The following LRRC4B variants were observed in gnomAD, a reference collection of about 807,000 sequenced individuals.
LRRC4B encodes leucine-rich repeat-containing protein 4B.
A neutral mutation model predicts 7.3 loss-of-function variants in LRRC4B; 1 was observed. The ratio of observed to expected loss-of-function variants is 0.14; its 90% CI spans 0.05 to 0.65. The LOEUF (loss-of-function observed/expected upper bound fraction) is 0.65, where lower values mean the gene tolerates loss of function less well. Ranked by LOEUF, LRRC4B falls within the 30% of genes least tolerant of loss-of-function variation. LRRC4B has a pLI of 0.84. For synonymous variants in LRRC4B, 500 were observed against 499.2 expected, an observed-to-expected ratio of 1.00 and a Z score of -0.02; for missense variants, 730 against 1,041.6, an observed-to-expected ratio of 0.70 and a Z score of 4.12.
In LRRC4B at chr19:50,537,044, G is replaced by T. The variant is rs1981325258; in HGVS notation, c.297+11498C>A. ...GGAAGAAGCTGGGGCTTCCAGATGA[G>T]CAAGGACAAGGCCAGAGCCAGGCTG... On this transcript the variant is annotated intron_variant, in intron 2 of 2. Transcript: ENST00000652263. This position sits in a 1 kb window ranked among gnomAD's most constrained non-coding sequence, Gnocchi z 5.5. 6.6e-6 allele frequency among the ~76,000 whole-genome samples: 1 copy of T among 152,198 alleles called. No homozygotes were observed. Among genetic ancestry groups the T allele is most frequent in the African/African-American group, 2.4e-5 (1 of 41,446 alleles).
chr19:50,531,617 TC>T (rs777872633), intron 2 of LRRC4B, among the ~76,000 whole-genome samples: 20 of 152,220 alleles, frequency 1.3e-4, no homozygotes, highest in Non-Finnish European at 2.1e-4. Context: ...ATAGGGAGTC[TC>T]TTTATTTTGA....
Position 50,518,151 on chromosome 19 carries a change from A to G in LRRC4B, c.1562T>C (p.Val521Ala). ...GTCCCCAGGCCGGCCCCCACCCCAG[A>G]CACCGTCTGTCGTGGGCCCTGGCGG... Reference protein sequence around the residue: ...KEPPGPTTDGVWGGGRPGDAA... With the variant: ...KEPPGPTTDGAWGGGRPGDAA... The change falls in exon 3 of 3, where the codon GTC (valine) becomes GCC (alanine). Residue 521 changes from valine (V) to alanine (A), a missense_variant. By Grantham distance (64) the Val-to-Ala change is moderately conservative. Coordinates refer to ENST00000652263, the MANE Select transcript of LRRC4B (RefSeq NM_001080457.2). 1.2e-6 allele frequency: 2 copies of G among 1,605,086 alleles called. No homozygotes were observed. Among genetic ancestry groups the G allele is most frequent in the Non-Finnish European group, 1.7e-6 (2 of 1,177,924 alleles).
In LRRC4B at chr19:50,519,076, T is replaced by C; in HGVS notation, c.637A>G (p.Asn213Asp). 6.2e-7 allele frequency: 1 copy of C among 1,609,086 alleles called. No individual in the cohort carries two copies. Among genetic ancestry groups the C allele is most frequent in the Non-Finnish European group, 8.5e-7 (1 of 1,179,882 alleles). The stretch of plus-strand genomic sequence containing the variant: ...TCCTTGAGGTTGCACATGCCCAGGT[T>C]GAGGTAGCGCAGGTTGACCAGCCCC... Reference protein sequence around the residue: ...FEGLVNLRYLNLGMCNLKDIP... With the variant: ...FEGLVNLRYLDLGMCNLKDIP... The change falls in exon 3 of 3, where the codon AAC becomes GAC. Residue 213 changes from asparagine to aspartate, a missense_variant. This residue lies in a region of LRRC4B where 226 missense variants were observed against 448.0 expected (regional missense o/e 0.50). Transcript: ENST00000652263. This position sits in a 1 kb window ranked among gnomAD's most constrained non-coding sequence, Gnocchi z 8.1.
At chr19:50,521,524 T>G (rs561305380) in intron 2 of LRRC4B, among the ~76,000 whole-genome samples, 76 of 152,276 alleles carry the variant, frequency 5.0e-4, no homozygotes, top group African/African-American at 1.7e-3. Flanking sequence ...GCCTTCCAGG[T>G]TCTAGCGATT....
chr19:50,541,860 G>A lies in LRRC4B; in HGVS notation c.297+6682C>T, dbSNP rs1981564860. On this transcript the variant is annotated intron_variant, in intron 2 of 2. Coordinates refer to ENST00000652263, the MANE Select transcript of LRRC4B (RefSeq NM_001080457.2). ...TGCGGTGGGGCAGCTAGAAGCCTCC[G>A]GGACGTCCAGTCTCATCAGGAAGCA... Among the ~76,000 whole-genome samples the A allele has an allele frequency of 2.6e-5, 4 of 152,190 alleles. No individual in the cohort carries two copies. In the South Asian group the frequency reaches 6.3e-4, roughly 24 times the overall value.
chr19:50,560,227 C>T (rs1982421533), intron 1 of LRRC4B, among the ~76,000 whole-genome samples: 1 of 152,102 alleles, frequency 6.6e-6, no homozygotes, highest in Admixed American at 6.5e-5. Context: ...ATGCAGGTCT[C>T]ACAGCAAGGG....
intron 1 of LRRC4B, among the ~76,000 whole-genome samples, chr19:50,561,480 T>C (rs1982459736): frequency 6.6e-6 from 1 of 152,188 alleles, no homozygotes; most frequent in Admixed American, 6.5e-5. Context: ...ATGCCTGTAA[T>C]CCCAGCACTT....
chr19:50,520,226 A>G lies in LRRC4B; in HGVS notation c.298-811T>C, dbSNP rs1382054073. ...GTCAAAAAAAAAAAAAAAAAAAAAA[A>G]AAAAAAAAAAAAAAAAAAAAAGAAG... On this transcript the variant is annotated intron_variant, in intron 2 of 2. Coordinates refer to ENST00000652263, the MANE Select transcript of LRRC4B (RefSeq NM_001080457.2). Among the ~76,000 whole-genome samples, 122 of 69,190 alleles carry G rather than the reference A, an allele frequency of 1.8e-3. 1 individual carries two copies. Among genetic ancestry groups the G allele is most frequent in the East Asian group, 8.2e-3 (10 of 1,214 alleles). 45.4% of individuals were successfully genotyped at this position (69,190 alleles called of 152,430 possible).
At chr19:50,528,774 CTGG>C (rs1252811524) in intron 2 of LRRC4B, among the ~76,000 whole-genome samples, 1 of 152,148 alleles carries the variant, frequency 6.6e-6, no homozygotes, top group Non-Finnish European at 1.5e-5. Flanking sequence ...TTGCAGGGAG[CTGG>C]TGGGGGCTCA....
At chr19:50,544,210 A>G (rs548231515) in intron 2 of LRRC4B, among the ~76,000 whole-genome samples, 97 of 152,060 alleles carry the variant, frequency 6.4e-4, no homozygotes, top group Admixed American at 1.8e-3. Context: ...TCCATCTCAA[A>G]AAAAATAAAA....
At position 50,548,385 on chromosome 19, in the gene LRRC4B, C is replaced by T. The variant is rs553595122; in HGVS notation, c.297+157G>A. ...GGGCCTCCACTCCACCTCGGGAGCC[C>T]GGCTCCAGCTGATAGGATGCAGACC... On this transcript the variant is annotated intron_variant, in intron 2 of 2. Transcript: ENST00000652263. This position sits in a 1 kb window ranked among gnomAD's most constrained non-coding sequence, Gnocchi z 6.8. 1.4e-3 allele frequency among the ~76,000 whole-genome samples: 207 copies of T among 152,368 alleles called. 1 individual carries two copies. Among genetic ancestry groups the T allele is most frequent in the Non-Finnish European group, 2.6e-3 (177 of 68,030 alleles).
intron 2 of LRRC4B, among the ~76,000 whole-genome samples, chr19:50,540,684 C>T (rs1002021719): frequency 6.6e-6 from 1 of 151,514 alleles, no homozygotes; most frequent in Non-Finnish European, 1.5e-5. Context: ...GAACGTGAAC[C>T]CTATTGTGAA....
At chr19:50,544,670 T>C (rs1477042674) in intron 2 of LRRC4B, among the ~76,000 whole-genome samples, 1 of 152,134 alleles carries the variant, frequency 6.6e-6, no homozygotes, top group Non-Finnish European at 1.5e-5. Flanking sequence ...GGCTGTGGGA[T>C]TATGGTTGGC....
chr19:50,531,450 G>C (rs1165720647), intron 2 of LRRC4B, among the ~76,000 whole-genome samples: 2 of 152,220 alleles, frequency 1.3e-5, no homozygotes, highest in Non-Finnish European at 2.9e-5. Flanking sequence ...CAGAGGGAAG[G>C]GGGTGTGAAG....
In LRRC4B at chr19:50,564,880, C is replaced by T. The variant is rs1982576324; in HGVS notation, c.-36+3064G>A. On this transcript the variant is annotated intron_variant, in intron 1 of 2. Transcript: ENST00000652263. ...GGACTGAGGATTCAGCGGCCACCCC[C>T]GCCCCCAATCCCCAACCCACAGCAC... Among the ~76,000 whole-genome samples, 3 of 67,172 alleles carry T rather than the reference C, an allele frequency of 4.5e-5. No individual in the cohort carries two copies. The South Asian group carries it at 1.4e-3, about 32-fold the overall frequency. The allele number at this position is 67,172 out of a possible 152,430, so 44.1% of individuals were successfully genotyped here.
At chr19:50,539,136 C>G (rs1981433477) in intron 2 of LRRC4B, among the ~76,000 whole-genome samples, 1 of 152,166 alleles carries the variant, frequency 6.6e-6, no homozygotes, top group African/African-American at 2.4e-5. Flanking sequence ...CCTTGGCTTC[C>G]CAAAGTGCTG....
intron 1 of LRRC4B, among the ~76,000 whole-genome samples, chr19:50,552,589 T>C (rs1464105316): frequency 1.0e-3 from 105 of 104,446 alleles, no homozygotes; most frequent in Admixed American, 5.9e-3. Context: ...TCCATCCATC[T>C]GTCCATCCAT....
Position 50,518,733 on chromosome 19 carries a change from T to C in LRRC4B, c.980A>G (p.Lys327Arg), listed in dbSNP as rs2122760037. 6.2e-7 allele frequency: 1 copy of C among 1,614,000 alleles called. No individual in the cohort carries two copies. The highest frequency in any genetic ancestry group is 1.1e-5 in the South Asian group (1 of 91,086). Residue 327 changes from lysine (K) to arginine (R), a missense_variant, in exon 3 of 3, where the codon AAG becomes AGG. Coordinates refer to ENST00000652263, the MANE Select transcript of LRRC4B (RefSeq NM_001080457.2). ...CDVLWLSWWL[K>R]ETVPSNTTCC... is the part of the protein sequence containing the mutation. ...CGTCGTGTTGCTGGGCACCGTCTCCTTGAGCCACCAGCTCAGCCAGAGCAC... is the reference window on the plus strand; with the variant it reads ...CGTCGTGTTGCTGGGCACCGTCTCCCTGAGCCACCAGCTCAGCCAGAGCAC...
rs1460191198 is a variant in LRRC4B, at chr19:50,537,285, TCATCTGTAA to T, written c.297+11248_297+11256del. Among the ~76,000 whole-genome samples the T allele has an allele frequency of 6.6e-6, 1 of 152,198 alleles. No individual in the cohort carries two copies. The highest frequency in any genetic ancestry group is 1.9e-4 in the East Asian group (1 of 5,200). ...TTAACTCTCCTATGCCTCAGTTTCC[TCATCTGTAA>T]CATGAGAAGAATAGGACCTACTCAG... On this transcript the variant is annotated intron_variant, in intron 2 of 2. Coordinates refer to ENST00000652263, the MANE Select transcript of LRRC4B (RefSeq NM_001080457.2). This position sits in a 1 kb window ranked among gnomAD's most constrained non-coding sequence, Gnocchi z 5.5.
Sources: gnomAD v4.1 joint callset for allele counts (sites outside exome capture counted in the v4.1 genomes callset) on GRCh38, gnomAD v4.1.1 for gene constraint, gnomAD v4.1.1 regional missense constraint, Gnocchi (gnomAD v3.1) non-coding constraint, MANE v1.5 for transcripts, NCBI Gene and HGNC (gene_info 2026-07-23, HGNC 2026-07-21) for gene names.